RAPGEF4: variants seen among roughly 807,000 people sequenced by gnomAD.
The protein encoded by RAPGEF4 is RAP guanine-nucleotide-exchange factor (GEF) 4.
RAPGEF4 carries 66 observed loss-of-function variants against 147.9 expected under a neutral mutation model. The observed-to-expected ratio is 0.45, with a 90% CI of 0.37 to 0.55. The LOEUF is 0.55. RAPGEF4 is among the 20% of genes least tolerant of loss of function. The probability of loss-of-function intolerance (pLI) is 0.00; values close to 1 mark genes in which losing one functional copy is unlikely to be tolerated. For missense variants in RAPGEF4, 1,071 were observed against 1,257.3 expected (o/e 0.85, Z 2.24); for synonymous variants, 419 against 442.7 (o/e 0.95, Z 0.67).
intron 1 of RAPGEF4, among the ~76,000 whole-genome samples, chr2:172,745,516 C>T (rs1694687518): frequency 6.6e-6 from 1 of 151,562 alleles, no homozygotes; most frequent in Non-Finnish European, 1.5e-5. Context: ...AAAGAAACAA[C>T]TTTTAGTTGA....
intron 4 of RAPGEF4, among the ~76,000 whole-genome samples, chr2:172,849,596 T>C (rs575260967): frequency 1.3e-4 from 20 of 152,368 alleles, no homozygotes; most frequent in African/African-American, 4.8e-4. Flanking sequence ...GCCTGCATCC[T>C]AATTTACTAT....
chr2:172,878,154 A>T (rs764756102), intron 4 of RAPGEF4, among the ~76,000 whole-genome samples: 4 of 152,224 alleles, frequency 2.6e-5, no homozygotes, highest in Non-Finnish European at 4.4e-5. Flanking sequence ...AAGGTTAGAG[A>T]GGTGGTAAAG....
chr2:173,051,539 C>A, intron 30 of RAPGEF4, 101 bp from the exon 31 acceptor site: 1 of 1,326,908 alleles, frequency 7.5e-7, no homozygotes, highest in Non-Finnish European at 1.0e-6. Context: ...TGAGGGAACC[C>A]AGGAACCTAT....
At position 172,985,445 on chromosome 2, in the gene RAPGEF4, T is replaced by C; in HGVS notation, c.1102T>C (p.Leu368=). Reference sequence around the variant, plus strand: ...GTTTTTCTTCTAGGTGAAACGAGAGTTAGCAGGTGTTCTCATTTTTGAGTC... The same window carrying C: ...GTTTTTCTTCTAGGTGAAACGAGAGCTAGCAGGTGTTCTCATTTTTGAGTC... ...SHLSTTVKRE[L]AGVLIFESHA... The change falls in exon 12 of 31, where the codon TTA becomes CTA. Residue 368 remains leucine (L), a synonymous_variant. Transcript: ENST00000397081. 6.2e-7 allele frequency: 1 copy of C among 1,613,608 alleles called. No individual in the cohort carries two copies. Among genetic ancestry groups the C allele is most frequent in the Non-Finnish European group, 8.5e-7 (1 of 1,179,838 alleles).
At chr2:172,874,469 A>G (rs949931282) in intron 4 of RAPGEF4, among the ~76,000 whole-genome samples, 24 of 152,086 alleles carry the variant, frequency 1.6e-4, no homozygotes, top group East Asian at 5.8e-4. Flanking sequence ...TCATTGTTCA[A>G]TTCCCGCCTA....
chr2:172,880,286 G>T (rs1385288237), intron 4 of RAPGEF4, among the ~76,000 whole-genome samples: 1 of 152,248 alleles, frequency 6.6e-6, no homozygotes, highest in East Asian at 1.9e-4. Context: ...ATTCAATAGA[G>T]CTCACGCTCT....
intron 14 of RAPGEF4, among the ~76,000 whole-genome samples, chr2:172,990,296 A>G (rs1046441032): frequency 1.3e-5 from 2 of 152,254 alleles, no homozygotes; most frequent in African/African-American, 4.8e-5. Context: ...ATTATCATTG[A>G]TGTAATTTAT....
At chr2:173,044,420 C>T (rs1308960866) in intron 29 of RAPGEF4, among the ~76,000 whole-genome samples, 1 of 152,202 alleles carries the variant, frequency 6.6e-6, no homozygotes, top group Non-Finnish European at 1.5e-5. Flanking sequence ...CACTCTGCAA[C>T]GCAGGCCCCA....
intron 4 of RAPGEF4, among the ~76,000 whole-genome samples, chr2:172,832,768 C>T (rs979016447): frequency 2.0e-5 from 3 of 152,180 alleles, no homozygotes; most frequent in Non-Finnish European, 1.5e-5. Context: ...AGCTTACTCA[C>T]AGTAAGGAAG....
chr2:172,854,314 T>C lies in RAPGEF4; in HGVS notation c.444+39889T>C, dbSNP rs559965140. On this transcript the variant is annotated intron_variant, in intron 4 of 30. Transcript: ENST00000397081. ...TTTCTTTTAGGTGAATTACCCTTTTTATCATTATAAAATTCATCTCTTTTG... is the reference window on the plus strand; with the variant it reads ...TTTCTTTTAGGTGAATTACCCTTTTCATCATTATAAAATTCATCTCTTTTG... Among the ~76,000 whole-genome samples the C allele has an allele frequency of 5.9e-5, 9 of 152,080 alleles. No individual in the cohort carries two copies. The East Asian group carries it at 1.7e-3, about 29-fold the overall frequency.
chr2:173,024,770 T>C (rs1200054647), intron 23 of RAPGEF4, among the ~76,000 whole-genome samples: 2 of 152,226 alleles, frequency 1.3e-5, no homozygotes, highest in Non-Finnish European at 2.9e-5. Context: ...ACTAACCTGG[T>C]CTATTATCTA....
At chr2:172,948,720 G>T (rs1481436718) in intron 6 of RAPGEF4, among the ~76,000 whole-genome samples, 1 of 152,120 alleles carries the variant, frequency 6.6e-6, no homozygotes, top group Non-Finnish European at 1.5e-5. Flanking sequence ...ACCAAATACT[G>T]CATGCTCTCA....
At chr2:172,749,953 G>C (rs1574687860) in intron 1 of RAPGEF4, among the ~76,000 whole-genome samples, 1 of 152,202 alleles carries the variant, frequency 6.6e-6, no homozygotes, top group East Asian at 1.9e-4. Context: ...CTAAAACATA[G>C]CAAGAGTCAC....
At chr2:172,991,187 C>A (rs1692797832) in intron 15 of RAPGEF4, among the ~76,000 whole-genome samples, 1 of 152,138 alleles carries the variant, frequency 6.6e-6, no homozygotes, top group Non-Finnish European at 1.5e-5. Flanking sequence ...CAGTGTTCAA[C>A]TGTAATAGCT....
intron 4 of RAPGEF4, among the ~76,000 whole-genome samples, chr2:172,836,987 T>C (rs991296791): frequency 2.6e-5 from 4 of 152,192 alleles, no homozygotes; most frequent in African/African-American, 9.7e-5. Context: ...TAATGGCACA[T>C]AGAAATGTGG....
intron 1 of RAPGEF4, among the ~76,000 whole-genome samples, chr2:172,770,341 C>T (rs1203286179): frequency 1.3e-5 from 2 of 152,180 alleles, no homozygotes; most frequent in African/African-American, 4.8e-5. Flanking sequence ...TGGGCTACCC[C>T]ACTGCCTATG....
At chr2:172,741,712 C>T (rs867501268) in intron 1 of RAPGEF4, among the ~76,000 whole-genome samples, 2 of 152,194 alleles carry the variant, frequency 1.3e-5, no homozygotes, top group Non-Finnish European at 2.9e-5. Flanking sequence ...CACTCTGTCA[C>T]CCAGGCTGGA....
intron 4 of RAPGEF4, among the ~76,000 whole-genome samples, chr2:172,868,914 C>G (rs990137163): frequency 6.6e-6 from 1 of 152,138 alleles, no homozygotes; most frequent in Non-Finnish European, 1.5e-5. Context: ...GCAGGCATGT[C>G]ACTGACGAGA....
chr2:172,771,322 C>A (rs1424998682), intron 1 of RAPGEF4, among the ~76,000 whole-genome samples: 1 of 151,870 alleles, frequency 6.6e-6, no homozygotes, highest in Non-Finnish European at 1.5e-5. Context: ...CCTCCCAAAG[C>A]CCTACCTCCT....
Sources: gnomAD v4.1 joint callset for allele counts (sites outside exome capture counted in the v4.1 genomes callset) on GRCh38, gnomAD v4.1.1 for gene constraint, MANE v1.5 for transcripts, NCBI Gene and HGNC (gene_info 2026-07-23, HGNC 2026-07-21) for gene names.